CFAP57: variants seen among roughly 807,000 people sequenced by gnomAD.
CFAP57 encodes cilia- and flagella-associated protein 57.
A neutral mutation model predicts 146.8 loss-of-function variants in CFAP57; 116 were observed. The ratio of observed to expected loss-of-function variants is 0.79; its 90% CI spans 0.68 to 0.92. The LOEUF is 0.92. Ranked by LOEUF, CFAP57 falls within the 40% of genes least tolerant of loss-of-function variation. CFAP57 has a pLI of 0.00. For synonymous variants in CFAP57, 518 were observed against 552.8 expected (o/e 0.94, Z 0.88); for missense variants, 1,377 against 1,527.2 (o/e 0.90, Z 1.64).
At chr1:43,239,431 C>CA (rs1645824670) in intron 21 of CFAP57, among the ~76,000 whole-genome samples, 1 of 151,016 alleles carries the variant, frequency 6.6e-6, no homozygotes. Flanking sequence ...ATCCCAATCA[C>CA]AGTGACAGGG....
intron 2 of CFAP57, 71 bp from the exon 3 acceptor site, chr1:43,181,463 T>C (rs1645403973): frequency 6.4e-7 from 1 of 1,571,774 alleles, no homozygotes; most frequent in African/African-American, 1.3e-5. Flanking sequence ...CCCACCACAG[T>C]GCCTGGTTCC....
intron 21 of CFAP57, among the ~76,000 whole-genome samples, chr1:43,240,381 T>C (rs533891917): frequency 6.6e-6 from 1 of 152,312 alleles, no homozygotes; most frequent in South Asian, 2.1e-4. Context: ...AGATATCTTC[T>C]AGGATGTTTG....
chr1:43,183,606 C>T lies in CFAP57; in HGVS notation c.490C>T (p.Gln164Ter), dbSNP rs1275194686. Residue 164 changes from glutamine to a stop codon, truncating the protein, a stop_gained, in exon 4 of 23, where the codon CAG (glutamine) becomes TAG (stop). Coordinates refer to ENST00000372492, the MANE Select transcript of CFAP57 (RefSeq NM_001378189.1). LOFTEE classifies it high-confidence loss of function. ...CATTTTACAGGTGAGCTTCAGTCCA[C>T]AGGATAACACTCAGGTGTGTGTCAC... ...NPVYQVSFSP[Q>*]DNTQVCVTGN... The T allele has an allele frequency of 6.2e-7, 1 of 1,614,160 alleles. No individual in the cohort carries two copies. The highest frequency in any genetic ancestry group is 8.5e-7 in the Non-Finnish European group (1 of 1,180,014).
At chr1:43,210,177 G>C (rs892634292) in intron 11 of CFAP57, 261 of 1,549,066 alleles carry the variant, frequency 1.7e-4, no homozygotes, top group Non-Finnish European at 2.1e-4. Context: ...CATAATAAGG[G>C]GCCGTTTGGT....
chr1:43,172,409 C>A lies in CFAP57; in HGVS notation c.-64C>A, dbSNP rs1262642019. ...TTGCTTAGGATCCCTACAGGTAGCG[C>A]CTCTGGATACATGCGTGGTCTGCTG... is the stretch of plus-strand genomic sequence containing the variant. On this transcript the variant is annotated 5_prime_UTR_variant, in exon 1 of 23. Coordinates refer to ENST00000372492, the MANE Select transcript of CFAP57 (RefSeq NM_001378189.1). 1 of 1,551,344 alleles carries A rather than the reference C, an allele frequency of 6.4e-7. No individual in the cohort carries two copies. The highest frequency in any genetic ancestry group is 8.7e-7 in the Non-Finnish European group (1 of 1,146,952).
chr1:43,181,746 G>A lies in CFAP57; in HGVS notation c.370G>A (p.Ala124Thr). Residue 124 changes from alanine to threonine, a missense_variant, in exon 3 of 23, where the codon GCT becomes ACT. Ala to Thr is a moderately conservative substitution (Grantham distance 58, BLOSUM62 0). Transcript: ENST00000372492. ...TTCTCCAGACTCCAAATACCTATTG[G>A]CTCAGACGTCACCTCCAGAGTCAAA... Reference protein sequence around the residue: ...AFSPDSKYLLAQTSPPESNLV... With the variant: ...AFSPDSKYLLTQTSPPESNLV... 3 of 1,614,126 alleles carry A rather than the reference G, an allele frequency of 1.9e-6. No individual in the cohort carries two copies. The highest frequency in any genetic ancestry group is 1.7e-6 in the Non-Finnish European group (2 of 1,180,022).
At chr1:43,221,562 G>A in intron 14 of CFAP57, 97 bp downstream of exon 14, 3 of 760,178 alleles carry the variant, frequency 3.9e-6, no homozygotes, top group Non-Finnish European at 5.9e-6. Flanking sequence ...AAGTCTCAGG[G>A]AATATGGCTC....
chr1:43,177,234 G>A (rs1263363297), intron 2 of CFAP57: 2 of 456,148 alleles, frequency 4.4e-6, no homozygotes, highest in East Asian at 6.9e-5. Flanking sequence ...GGCACTTGGA[G>A]CAGGTAGAGG....
intron 18 of CFAP57, among the ~76,000 whole-genome samples, chr1:43,228,040 A>C (rs1645321648): frequency 6.6e-6 from 1 of 152,084 alleles, no homozygotes; most frequent in African/African-American, 2.4e-5. Context: ...ACCATCTCTT[A>C]TCTGGACTGG....
At position 43,236,019 on chromosome 1, in the gene CFAP57, T is replaced by C. The variant is rs537264172; in HGVS notation, c.3405+1381T>C. Among the ~76,000 whole-genome samples, 18 of 152,274 alleles carry C rather than the reference T, an allele frequency of 1.2e-4. No individual in the cohort carries two copies. In the East Asian group the frequency reaches 3.5e-3, roughly 29 times the overall value. ...CTGGGGCGGGCATCCTGTCCTCTTC[T>C]GCTTCCCTATGCCCCGGAGGGTGCT... On this transcript the variant is annotated intron_variant, in intron 21 of 22. Coordinates refer to ENST00000372492, the MANE Select transcript of CFAP57 (RefSeq NM_001378189.1).
intron 2 of CFAP57, 120 bp from the exon 3 acceptor site, chr1:43,181,414 C>G: frequency 8.3e-7 from 1 of 1,203,826 alleles, no homozygotes; most frequent in African/African-American, 1.5e-5. Flanking sequence ...ATGCCAAGGC[C>G]GCCTTTCTTC....
intron 2 of CFAP57, among the ~76,000 whole-genome samples, chr1:43,173,593 C>T (rs140205142): frequency 7.0e-4 from 107 of 152,304 alleles, no homozygotes; most frequent in African/African-American, 2.5e-3. Flanking sequence ...CTTGCTGCAT[C>T]AGTTCAATGT....
At chr1:43,245,335 A>AAC (rs2124673039) in intron 22 of CFAP57, among the ~76,000 whole-genome samples, 1 of 151,820 alleles carries the variant, frequency 6.6e-6, no homozygotes, top group East Asian at 1.9e-4. Flanking sequence ...TCAAAAAAAA[A>AAC]AAAAAAGTTT....
intron 8 of CFAP57, among the ~76,000 whole-genome samples, 159 bp downstream of exon 8, chr1:43,198,805 C>A (rs564743870): frequency 6.6e-6 from 1 of 152,136 alleles, no homozygotes; most frequent in African/African-American, 2.4e-5. Flanking sequence ...GTTATTTTCC[C>A]AGCAACCTTA....
Position 43,219,498 on chromosome 1 carries a change from G to A in CFAP57, c.2208G>A (p.Lys736=). 1 of 1,550,508 alleles carries A rather than the reference G, an allele frequency of 6.4e-7. No individual in the cohort carries two copies. Among genetic ancestry groups the A allele is most frequent in the Non-Finnish European group, 8.7e-7 (1 of 1,146,978 alleles). ...AGAAGATTAAGGAGCTAACAGACAA[G>A]TTCATCCAGGAAATGGAGTCCTTGA... is the stretch of plus-strand genomic sequence containing the variant. ...YSEKIKELTD[K]FIQEMESLKT... is the part of the protein sequence containing the mutation. The change falls in exon 13 of 23, where the codon AAG becomes AAA. Residue 736 remains lysine, a synonymous_variant. Coordinates refer to ENST00000372492, the MANE Select transcript of CFAP57 (RefSeq NM_001378189.1).
At chr1:43,198,757 C>A in intron 8 of CFAP57, 111 bp downstream of exon 8, 1 of 1,123,254 alleles carries the variant, frequency 8.9e-7, no homozygotes, top group Non-Finnish European at 1.3e-6. Flanking sequence ...TCTTGGAGAA[C>A]TACAGTGGCT....
chr1:43,219,702 C>A (rs1013433184), intron 13 of CFAP57, 165 bp downstream of exon 13: 11 of 852,386 alleles, frequency 1.3e-5, no homozygotes, highest in Non-Finnish European at 1.9e-5. Flanking sequence ...ACTGGCCAGG[C>A]ACAGTGGCTC....
In CFAP57 at chr1:43,242,613, A is replaced by G. The variant is rs186512605; in HGVS notation, c.3406-614A>G. On this transcript the variant is annotated intron_variant, in intron 21 of 22. Coordinates refer to ENST00000372492, the MANE Select transcript of CFAP57 (RefSeq NM_001378189.1). Reference sequence around the variant, plus strand: ...CAGACCATATCCTATTTCTGTTTGCACTTTATGGACTTACCAGATAGCCTA... The same window carrying G: ...CAGACCATATCCTATTTCTGTTTGCGCTTTATGGACTTACCAGATAGCCTA... Among the ~76,000 whole-genome samples the G allele has an allele frequency of 1.1e-3, 163 of 152,328 alleles. 2 individuals are homozygous for G. The East Asian group carries it at 0.021, about 20-fold the overall frequency.
chr1:43,232,721 C>T (rs976038735), intron 19 of CFAP57, 97 bp downstream of exon 19: 11 of 773,520 alleles, frequency 1.4e-5, no homozygotes, highest in African/African-American at 5.3e-5. Flanking sequence ...CAGCCCACTG[C>T]GAGGATATGT....
Sources: allele counts gnomAD v4.1 joint callset (sites outside exome capture counted in the v4.1 genomes callset), GRCh38; gene constraint gnomAD v4.1.1; transcripts MANE v1.5; gene names NCBI Gene and HGNC (gene_info 2026-07-23, HGNC 2026-07-21).